TSHZ2: variants seen among roughly 807,000 people sequenced by gnomAD.
The protein encoded by TSHZ2 is teashirt homolog 2.
A neutral mutation model predicts 74.4 loss-of-function variants in TSHZ2; 21 were observed. The observed-to-expected ratio is 0.28, with a 90% confidence interval of 0.20 to 0.41. The LOEUF (loss-of-function observed/expected upper bound fraction) is 0.41. TSHZ2 is among the 10% of genes least tolerant of loss of function. The pLI, the probability that TSHZ2 is intolerant of heterozygous loss-of-function variation, is 1.00. For synonymous variants in TSHZ2, 540 were observed against 515.3 expected (o/e 1.05, Z -0.65); for missense variants, 1,244 against 1,293.5 (o/e 0.96, Z 0.59).
Position 53,256,570 on chromosome 20 carries a change from A to G in TSHZ2, c.*7A>G. ...AGACGTGGATGAAGAATAGCTCTGC[A>G]GGTATGGGTTTGCTCTGAGGCATTG... On this transcript the variant is annotated splice_region_variant and 3_prime_UTR_variant, in exon 2 of 3. Transcript: ENST00000371497. The surrounding 1 kb of genome is among the most constrained non-coding windows in gnomAD (Gnocchi z 4.3). 3 of 1,569,636 alleles carry G rather than the reference A, an allele frequency of 1.9e-6. No individual in the cohort carries two copies. The highest frequency in any genetic ancestry group is 1.2e-5 in the South Asian group (1 of 83,272).
intron 1 of TSHZ2, among the ~76,000 whole-genome samples, chr20:53,025,996 C>T (rs1246091916): frequency 6.6e-6 from 1 of 152,170 alleles, no homozygotes; most frequent in Non-Finnish European, 1.5e-5. Context: ...TGTGGTATGG[C>T]AGTGTCTGGC....
At chr20:53,186,325 A>C (rs1988598479) in intron 1 of TSHZ2, among the ~76,000 whole-genome samples, 1 of 152,230 alleles carries the variant, frequency 6.6e-6, no homozygotes. Context: ...CCAGTGGTTT[A>C]AGCCATCGGT....
intron 1 of TSHZ2, among the ~76,000 whole-genome samples, chr20:53,004,636 G>A (rs1262667340): frequency 6.6e-6 from 1 of 152,198 alleles, no homozygotes; most frequent in Non-Finnish European, 1.5e-5. Flanking sequence ...CTGCTTATGA[G>A]CTCAGGGAAG....
intron 2 of TSHZ2, among the ~76,000 whole-genome samples, chr20:53,325,726 A>T (rs1979462640): frequency 6.6e-6 from 1 of 152,084 alleles, no homozygotes; most frequent in Admixed American, 6.6e-5. Flanking sequence ...TACCAATGGA[A>T]ATAGGAGGAA....
rs6147376 is a variant in TSHZ2 at position 53,182,234 on chromosome 20, C to CTCCTTCCTTCCTTCTT, written c.41-71250_41-71249insTTCCTTCCTTCCTTCT. Among the ~76,000 whole-genome samples the CTCCTTCCTTCCTTCTT allele has an allele frequency of 6.8e-5, 10 of 146,542 alleles. 1 individual carries two copies. In the East Asian group the frequency reaches 1.0e-3, roughly 15 times the overall value. On this transcript the variant is annotated intron_variant, in intron 1 of 2. Transcript: ENST00000371497. Reference sequence around the variant, plus strand: ...CACTCCCTCCTTCCCTCTTGACTCCCTCCTTCCTTCCTTCTATCATTTTTT... The same window carrying CTCCTTCCTTCCTTCTT: ...CACTCCCTCCTTCCCTCTTGACTCCCTCCTTCCTTCCTTCTTTCCTTCCTTCCTTCTATCATTTTTT...
chr20:53,106,380 T>TCTCACAC (rs1388502447), intron 1 of TSHZ2, among the ~76,000 whole-genome samples: 1 of 143,428 alleles, frequency 7.0e-6, no homozygotes, highest in Non-Finnish European at 1.5e-5. Context: ...TCTAGGGCCT[T>TCTCACAC]CTCACACTTT....
chr20:53,418,822 C>G (rs1043951462), intron 2 of TSHZ2, among the ~76,000 whole-genome samples: 1 of 152,210 alleles, frequency 6.6e-6, no homozygotes, highest in Admixed American at 6.5e-5. Flanking sequence ...GCTCCCAGCT[C>G]AGTCCAGGCC....
intron 2 of TSHZ2, among the ~76,000 whole-genome samples, chr20:53,441,899 T>TA (rs1414947528): frequency 6.6e-6 from 1 of 152,216 alleles, no homozygotes; most frequent in East Asian, 1.9e-4. Flanking sequence ...TATAACCCTT[T>TA]AAATGTGCAA....
intron 1 of TSHZ2, among the ~76,000 whole-genome samples, chr20:53,163,306 T>A (rs1987985016): frequency 6.6e-6 from 1 of 150,524 alleles, no homozygotes; most frequent in South Asian, 2.1e-4. Context: ...CTTCCAAGAT[T>A]AGGTTATAAA....
chr20:53,315,133 A>G (rs1438545010), intron 2 of TSHZ2, among the ~76,000 whole-genome samples: 1 of 152,248 alleles, frequency 6.6e-6, no homozygotes, highest in Non-Finnish European at 1.5e-5. Context: ...AAGAGGAATT[A>G]GTAGCTGCCA....
intron 1 of TSHZ2, among the ~76,000 whole-genome samples, chr20:53,133,843 A>G (rs1390572442): frequency 6.6e-6 from 1 of 152,060 alleles, no homozygotes; most frequent in African/African-American, 2.4e-5. Context: ...GTTCAGCACC[A>G]AAAGGTCTGT....
rs143313267 is a variant in TSHZ2 at position 53,288,260 on chromosome 20, C to T, written c.*8+31689C>T. On this transcript the variant is annotated intron_variant, in intron 2 of 2. Coordinates refer to ENST00000371497, the MANE Select transcript of TSHZ2 (RefSeq NM_173485.6). ...CTGGACTAAAAATACAAAAATTAGC[C>T]AGGTGTGGTGGCAGATGCCTGTAGT... is the stretch of plus-strand genomic sequence containing the variant. 1.1e-4 allele frequency among the ~76,000 whole-genome samples: 16 copies of T among 151,944 alleles called. No homozygotes were observed. In the East Asian group the frequency reaches 3.1e-3, roughly 29 times the overall value.
At chr20:53,208,325 T>C (rs987550420) in intron 1 of TSHZ2, among the ~76,000 whole-genome samples, 31 of 152,186 alleles carry the variant, frequency 2.0e-4, no homozygotes, top group African/African-American at 6.8e-4. Context: ...GGACTGTTCC[T>C]CCCTTTGGTA....
chr20:53,362,488 C>G (rs2145606887), intron 2 of TSHZ2, among the ~76,000 whole-genome samples: 1 of 152,324 alleles, frequency 6.6e-6, no homozygotes, highest in East Asian at 1.9e-4. Context: ...CCGGCCCACA[C>G]AGTTTTTATA....
In TSHZ2 at chr20:53,256,426, A is replaced by G. The variant is rs1415322017; in HGVS notation, c.2968A>G (p.Thr990Ala). The G allele has an allele frequency of 1.2e-6, 2 of 1,614,048 alleles. No individual in the cohort carries two copies. The highest frequency in any genetic ancestry group is 1.3e-5 in the African/African-American group (1 of 74,948). ...AGAAACAATAGCTGCCGAAGAGGAC[A>G]CAGACTCTAAATTCAAGTGTAAGTT... is the stretch of plus-strand genomic sequence containing the variant. Reference protein sequence around the residue: ...SPETIAAEEDTDSKFKCKLCC... With the variant: ...SPETIAAEEDADSKFKCKLCC... The change falls in exon 2 of 3, where the codon ACA becomes GCA. Residue 990 changes from threonine to alanine, a missense_variant. Physicochemically the swap from Thr to Ala is moderately conservative, Grantham distance 58. This residue lies in a region of TSHZ2 where 185 missense variants were observed against 213.3 expected (regional missense o/e 0.87). Coordinates refer to ENST00000371497, the MANE Select transcript of TSHZ2 (RefSeq NM_173485.6). This position sits in a 1 kb window ranked among gnomAD's most constrained non-coding sequence, Gnocchi z 4.3.
At chr20:53,000,909 C>G (rs947048145) in intron 1 of TSHZ2, among the ~76,000 whole-genome samples, 3 of 152,076 alleles carry the variant, frequency 2.0e-5, no homozygotes, top group African/African-American at 7.2e-5. Flanking sequence ...GCTCAAGGCA[C>G]AGTCTTCCTG....
chr20:53,307,508 CTG>C (rs1445766539), intron 2 of TSHZ2, among the ~76,000 whole-genome samples: 1 of 152,200 alleles, frequency 6.6e-6, no homozygotes, highest in African/African-American at 2.4e-5. Context: ...TGCCTGCAGA[CTG>C]TTTCTCAGCC....
intron 1 of TSHZ2, among the ~76,000 whole-genome samples, chr20:53,001,216 G>GTA (rs1555813570): frequency 3.5e-5 from 5 of 142,660 alleles, no homozygotes; most frequent in African/African-American, 1.4e-4. Flanking sequence ...GTGTGTGTGT[G>GTA]TGTGTGTGTG....
chr20:53,096,908 AAAAAAAC>A lies in TSHZ2; in HGVS notation c.40+123587_40+123593del, dbSNP rs575050754. On this transcript the variant is annotated intron_variant, in intron 1 of 2. Transcript: ENST00000371497. ...AACAAACAAAAAAACCCAAAAACCA[AAAAAAAC>A]AAAAAACAAAACAAAAACAAAAAAC... Among the ~76,000 whole-genome samples the A allele has an allele frequency of 5.4e-5, 8 of 149,350 alleles. No individual in the cohort carries two copies. The South Asian group carries it at 1.5e-3, about 28-fold the overall frequency.
Sources: gnomAD v4.1 joint callset for allele counts (sites outside exome capture counted in the v4.1 genomes callset) on GRCh38, gnomAD v4.1.1 for gene constraint, gnomAD v4.1.1 regional missense constraint, Gnocchi (gnomAD v3.1) non-coding constraint, MANE v1.5 for transcripts, NCBI Gene and HGNC (gene_info 2026-07-23, HGNC 2026-07-21) for gene names.